PLEKHA5: variants seen among roughly 807,000 people sequenced by gnomAD.
The protein encoded by PLEKHA5 is pleckstrin homology domain containing A5.
In PLEKHA5, 55 loss-of-function variants were observed where a neutral mutation model predicts 181.9. The observed-to-expected ratio is 0.30, with a 90% CI of 0.24 to 0.38. PLEKHA5 has a LOEUF of 0.38. PLEKHA5 is among the 10% of genes least tolerant of loss of function. The pLI is 1.00. For missense variants in PLEKHA5, 1,432 were observed against 1,549.5 expected (o/e 0.92, Z 1.27); for synonymous variants, 535 against 529.4 (o/e 1.01, Z -0.15).
chr12:19,220,597 C>T (rs1386093278), intron 3 of PLEKHA5, among the ~76,000 whole-genome samples: 1 of 152,074 alleles, frequency 6.6e-6, no homozygotes, highest in Non-Finnish European at 1.5e-5. Flanking sequence ...TATCTTTAAT[C>T]CCTTCTCCAT....
At chr12:19,223,604 A>G (rs763880058) in intron 3 of PLEKHA5, among the ~76,000 whole-genome samples, 2 of 152,160 alleles carry the variant, frequency 1.3e-5, no homozygotes, top group Non-Finnish European at 2.9e-5. Context: ...ATTTTTAGGT[A>G]TGTTGTGAGC....
chr12:19,189,588 T>G (rs1238544294), intron 3 of PLEKHA5, among the ~76,000 whole-genome samples: 2 of 152,108 alleles, frequency 1.3e-5, no homozygotes, highest in Non-Finnish European at 2.9e-5. Context: ...GATTCGTTTT[T>G]GGTAGGTTAA....
chr12:19,149,155 A>G (rs1016820999), intron 3 of PLEKHA5, among the ~76,000 whole-genome samples: 2 of 152,230 alleles, frequency 1.3e-5, no homozygotes, highest in Admixed American at 1.3e-4. Context: ...TTAATATATT[A>G]TCAGAGTTGA....
At chr12:19,243,887 CT>C (rs1031258944) in intron 3 of PLEKHA5, among the ~76,000 whole-genome samples, 5 of 152,160 alleles carry the variant, frequency 3.3e-5, no homozygotes, top group African/African-American at 1.2e-4. Context: ...TTCTTTTGTT[CT>C]TAAAACATTG....
intron 3 of PLEKHA5, among the ~76,000 whole-genome samples, chr12:19,170,707 C>T (rs1309374856): frequency 4.6e-5 from 7 of 152,216 alleles, no homozygotes; most frequent in Non-Finnish European, 8.8e-5. Flanking sequence ...CGTGAGCCAC[C>T]GTGCCCAGCC....
At chr12:19,326,879 T>G (rs1276899248) in intron 20 of PLEKHA5, among the ~76,000 whole-genome samples, 1 of 152,228 alleles carries the variant, frequency 6.6e-6, no homozygotes, top group African/African-American at 2.4e-5. Flanking sequence ...GCATCCATGA[T>G]GCTGCAAAGG....
intron 3 of PLEKHA5, among the ~76,000 whole-genome samples, chr12:19,167,601 G>A (rs372220185): frequency 2.2e-4 from 34 of 151,662 alleles, no homozygotes; most frequent in African/African-American, 7.7e-4. Flanking sequence ...CATTCACTCA[G>A]CCCAAAGATG....
At chr12:19,178,445 T>C (rs1334413483) in intron 3 of PLEKHA5, among the ~76,000 whole-genome samples, 1 of 152,250 alleles carries the variant, frequency 6.6e-6, no homozygotes, top group Non-Finnish European at 1.5e-5. Context: ...AGGTGCAGCA[T>C]TGCAGCTACA....
At chr12:19,251,825 A>C (rs561219020) in intron 3 of PLEKHA5, among the ~76,000 whole-genome samples, 9 of 151,800 alleles carry the variant, frequency 5.9e-5, no homozygotes. Context: ...GTAATAATAC[A>C]GGGGACAAAC....
chr12:19,222,300 A>G (rs949383390), intron 3 of PLEKHA5, among the ~76,000 whole-genome samples: 1 of 152,016 alleles, frequency 6.6e-6, no homozygotes, highest in Non-Finnish European at 1.5e-5. Flanking sequence ...ATTTATGTTC[A>G]TTTCCTAGTG....
intron 10 of PLEKHA5, among the ~76,000 whole-genome samples, chr12:19,272,977 G>T (rs577156632): frequency 6.6e-6 from 1 of 152,156 alleles, no homozygotes; most frequent in Non-Finnish European, 1.5e-5. Flanking sequence ...CACGATCTCA[G>T]CTCACTCCAA....
At chr12:19,276,535 A>T (rs1019802694) in intron 11 of PLEKHA5, among the ~76,000 whole-genome samples, 4 of 152,186 alleles carry the variant, frequency 2.6e-5, no homozygotes, top group African/African-American at 9.7e-5. Flanking sequence ...TACTAAAAAT[A>T]CAAAGATTAG....
intron 3 of PLEKHA5, chr12:19,205,572 C>T (rs1266891810): frequency 1.3e-5 from 2 of 154,780 alleles, no homozygotes; most frequent in Admixed American, 6.6e-5. Flanking sequence ...GCAACTTAGC[C>T]GAGATGGGGA....
intron 3 of PLEKHA5, among the ~76,000 whole-genome samples, chr12:19,205,084 A>G (rs2055103002): frequency 6.6e-6 from 1 of 152,144 alleles, no homozygotes; most frequent in Non-Finnish European, 1.5e-5. Context: ...TTCCAGTTAA[A>G]TGAACCACAA....
intron 3 of PLEKHA5, among the ~76,000 whole-genome samples, chr12:19,226,453 T>C (rs568262896): frequency 1.3e-4 from 20 of 152,328 alleles, no homozygotes; most frequent in Admixed American, 4.6e-4. Flanking sequence ...TGGGTATATA[T>C]ACCTGGGAGT....
At chr12:19,164,430 A>G (rs188573339) in intron 3 of PLEKHA5, among the ~76,000 whole-genome samples, 1 of 152,092 alleles carries the variant, frequency 6.6e-6, no homozygotes, top group African/African-American at 2.4e-5. Context: ...CCTGACCCCA[A>G]GTGATCCACT....
chr12:19,351,338 A>G (rs2094582259), intron 25 of PLEKHA5, among the ~76,000 whole-genome samples: 1 of 152,120 alleles, frequency 6.6e-6, no homozygotes, highest in African/African-American at 2.4e-5. Context: ...GGAGTTCAAG[A>G]CCAGCCTGGG....
At chr12:19,158,014 C>T (rs1416813323) in intron 3 of PLEKHA5, among the ~76,000 whole-genome samples, 1 of 152,042 alleles carries the variant, frequency 6.6e-6, no homozygotes, top group Admixed American at 6.5e-5. Context: ...CAGCTATTGC[C>T]ATAAACTTGG....
intron 3 of PLEKHA5, among the ~76,000 whole-genome samples, chr12:19,208,252 T>C (rs754574412): frequency 7.5e-4 from 47 of 62,680 alleles, no homozygotes; most frequent in Non-Finnish European, 1.9e-3. Flanking sequence ...TACTAAAAAA[T>C]ACAAAAATTA....
Sources: allele counts gnomAD v4.1 joint callset (sites outside exome capture counted in the v4.1 genomes callset), GRCh38; gene constraint gnomAD v4.1.1; transcripts MANE v1.5; gene names NCBI Gene and HGNC (gene_info 2026-07-23, HGNC 2026-07-21).